Variants in ZFAND3 observed in about 807,000 individuals in gnomAD.
ZFAND3 encodes the protein AN1-type zinc finger protein 3.
In ZFAND3, 10 loss-of-function variants were observed where a neutral mutation model predicts 29.6. The ratio of observed to expected loss-of-function variants is 0.34; its 90% confidence interval spans 0.21 to 0.57. The LOEUF is 0.57. ZFAND3 is among the 20% of genes least tolerant of loss of function. The pLI, the probability that ZFAND3 is intolerant of heterozygous loss-of-function variation, is 0.86. For missense variants in ZFAND3, 230 were observed against 304.5 expected (o/e 0.76, Z 1.82); for synonymous variants, 128 against 112.6 (o/e 1.14, Z -0.87).
At chr6:38,073,744 A>G (rs2127467968) in intron 3 of ZFAND3, among the ~76,000 whole-genome samples, 1 of 152,352 alleles carries the variant, frequency 6.6e-6, no homozygotes, top group Middle Eastern at 3.4e-3. Context: ...GCATCTTAAC[A>G]TATGGAAAGG....
At chr6:37,836,532 C>T (rs948453471) in intron 1 of ZFAND3, among the ~76,000 whole-genome samples, 1 of 152,172 alleles carries the variant, frequency 6.6e-6, no homozygotes, top group Non-Finnish European at 1.5e-5. Flanking sequence ...ATTGAGACAT[C>T]TCTGCTCCTT....
intron 2 of ZFAND3, among the ~76,000 whole-genome samples, chr6:37,963,029 A>G (rs1762226768): frequency 6.6e-6 from 1 of 152,182 alleles, no homozygotes; most frequent in Admixed American, 6.5e-5. Flanking sequence ...CGAGACCACA[A>G]ACCCACCAGA....
chr6:37,901,990 G>A (rs1339276207), intron 1 of ZFAND3, among the ~76,000 whole-genome samples: 3 of 152,150 alleles, frequency 2.0e-5, no homozygotes, highest in South Asian at 4.1e-4. Context: ...GCTGTTGAGG[G>A]TTAATTTTAA....
At chr6:37,825,990 A>G (rs897820271) in intron 1 of ZFAND3, among the ~76,000 whole-genome samples, 9 of 152,110 alleles carry the variant, frequency 5.9e-5, no homozygotes, top group African/African-American at 1.9e-4. Flanking sequence ...ATTAAAATTG[A>G]GGTTAAATAT....
intron 4 of ZFAND3, chr6:38,088,223 G>T (rs1764795350): frequency 1.3e-5 from 2 of 152,098 alleles, no homozygotes; most frequent in South Asian, 4.1e-4. Flanking sequence ...TTTTTTATCT[G>T]TTCCATCATT....
At chr6:37,996,024 G>A (rs1762842881) in intron 2 of ZFAND3, among the ~76,000 whole-genome samples, 1 of 151,636 alleles carries the variant, frequency 6.6e-6, no homozygotes. Flanking sequence ...AGCTACTCGG[G>A]AAGCTCAGGC....
intron 2 of ZFAND3, among the ~76,000 whole-genome samples, chr6:37,935,697 T>G (rs1375648927): frequency 2.6e-5 from 4 of 152,264 alleles, no homozygotes; most frequent in Non-Finnish European, 1.5e-5. Flanking sequence ...ATTACTATTA[T>G]GATTTTAAGT....
intron 1 of ZFAND3, among the ~76,000 whole-genome samples, chr6:37,910,657 A>G (rs895538678): frequency 4.6e-5 from 7 of 152,198 alleles, no homozygotes; most frequent in African/African-American, 1.7e-4. Context: ...GTTACTAAGT[A>G]TAATCACCAT....
chr6:38,031,019 G>A (rs983695828), intron 2 of ZFAND3, among the ~76,000 whole-genome samples: 19 of 152,146 alleles, frequency 1.2e-4, no homozygotes, highest in African/African-American at 4.3e-4. Context: ...CTGAGATGGG[G>A]TAAAAGTAAT....
At chr6:37,896,544 T>TTCTTTCTTTCTC (rs1765212637) in intron 1 of ZFAND3, among the ~76,000 whole-genome samples, 1 of 127,970 alleles carries the variant, frequency 7.8e-6, no homozygotes, top group Non-Finnish European at 1.6e-5. Flanking sequence ...CTTTCTTTCT[T>TTCTTTCTTTCTC]TCTTTCTTTC....
At chr6:38,132,231 G>A (rs148660424) in intron 5 of ZFAND3, among the ~76,000 whole-genome samples, 1 of 152,166 alleles carries the variant, frequency 6.6e-6, no homozygotes, top group Non-Finnish European at 1.5e-5. Flanking sequence ...GGTTCTGTGG[G>A]CTGGGTGCGG....
chr6:37,939,913 G>C (rs1391928158), intron 2 of ZFAND3, among the ~76,000 whole-genome samples: 1 of 152,002 alleles, frequency 6.6e-6, no homozygotes, highest in Non-Finnish European at 1.5e-5. Context: ...GGTGGTGCAC[G>C]CCTGTAATCC....
rs142254718 is a variant in ZFAND3 at position 38,101,460 on chromosome 6, C to T, written c.362-15112C>T. Reference sequence around the variant, plus strand: ...CTAACTTTTGGTTCATTTAGCATCACATCACATGAGGTGCAGAAGTTATTT... The same window carrying T: ...CTAACTTTTGGTTCATTTAGCATCATATCACATGAGGTGCAGAAGTTATTT... On this transcript the variant is annotated intron_variant, in intron 4 of 5. Transcript: ENST00000287218. Among the ~76,000 whole-genome samples, 58 of 152,244 alleles carry T rather than the reference C, an allele frequency of 3.8e-4. 1 individual carries two copies. The East Asian group carries it at 9.1e-3, about 24-fold the overall frequency.
intron 2 of ZFAND3, among the ~76,000 whole-genome samples, chr6:37,987,160 A>G (rs774347908): frequency 4.5e-4 from 68 of 152,362 alleles, no homozygotes; most frequent in Non-Finnish European, 8.2e-4. Context: ...TTATAAACTC[A>G]GAACAAAGGA....
chr6:37,970,755 A>T (rs373803155), intron 2 of ZFAND3, among the ~76,000 whole-genome samples: 1 of 142,160 alleles, frequency 7.0e-6, no homozygotes. Flanking sequence ...TATAAAAAAA[A>T]TTAGCCGGCC....
chr6:38,116,007 A>G (rs1228576609), intron 4 of ZFAND3, among the ~76,000 whole-genome samples: 5 of 152,226 alleles, frequency 3.3e-5, no homozygotes, highest in African/African-American at 1.2e-4. Flanking sequence ...TGTCAGTATT[A>G]GAACCTGACT....
At chr6:37,831,490 A>G (rs1763860828) in intron 1 of ZFAND3, among the ~76,000 whole-genome samples, 1 of 152,220 alleles carries the variant, frequency 6.6e-6, no homozygotes, top group South Asian at 2.1e-4. Context: ...TGCCCTGAGA[A>G]AGCTCACGGT....
intron 5 of ZFAND3, among the ~76,000 whole-genome samples, chr6:38,142,659 G>T (rs984202396): frequency 5.3e-5 from 8 of 152,192 alleles, no homozygotes; most frequent in African/African-American, 1.9e-4. Flanking sequence ...TTTCGTACCA[G>T]CACAGCACTC....
At chr6:37,836,955 C>T (rs569628423) in intron 1 of ZFAND3, among the ~76,000 whole-genome samples, 2 of 152,198 alleles carry the variant, frequency 1.3e-5, no homozygotes, top group South Asian at 4.1e-4. Flanking sequence ...GTCTGGACTT[C>T]GATTCCTATA....
Sources: gnomAD v4.1 joint callset for allele counts (sites outside exome capture counted in the v4.1 genomes callset) on GRCh38, gnomAD v4.1.1 for gene constraint, MANE v1.5 for transcripts, NCBI Gene and HGNC (gene_info 2026-07-23, HGNC 2026-07-21) for gene names.